STX6: variants seen among roughly 807,000 people sequenced by gnomAD.
STX6 encodes the protein syntaxin 6.
A neutral mutation model predicts 38.0 loss-of-function variants in STX6; 23 were observed. The observed-to-expected ratio is 0.60, with a 90% confidence interval of 0.43 to 0.86. The LOEUF (loss-of-function observed/expected upper bound fraction) is 0.86, where lower values mean the gene tolerates loss of function less well. STX6 is among the 40% of genes least tolerant of loss of function. STX6 has a pLI of 0.00. For missense variants in STX6, 274 were observed against 312.9 expected (o/e 0.88, Z 0.94); for synonymous variants, 123 against 107.5 (o/e 1.14, Z -0.89).
intron 3 of STX6, among the ~76,000 whole-genome samples, chr1:181,002,200 T>A (rs1216283464): frequency 6.6e-6 from 1 of 151,710 alleles, no homozygotes; most frequent in Non-Finnish European, 1.5e-5. Flanking sequence ...TTTTTTTTTT[T>A]AAGGTACAGT....
At chr1:180,987,186 G>A (rs934134478) in intron 6 of STX6, among the ~76,000 whole-genome samples, 2 of 152,078 alleles carry the variant, frequency 1.3e-5, no homozygotes, top group Admixed American at 1.3e-4. Context: ...CTTCACAGGT[G>A]CATTTTCTTC....
chr1:180,996,129 A>C (rs916068451), intron 3 of STX6, among the ~76,000 whole-genome samples: 1 of 152,326 alleles, frequency 6.6e-6, no homozygotes, highest in African/African-American at 2.4e-5. Flanking sequence ...TGAGTCTCAA[A>C]ATATTCACTG....
rs760121992 is a variant in STX6 at position 180,976,655 on chromosome 1, C to G, written c.692-9G>C. ...ACACCATTGGCGCCGATCTGGAAGG[C>G]AGGACATGGGGATTAGCTCTCACAG... is the stretch of plus-strand genomic sequence containing the variant. On this transcript the variant is annotated splice_polypyrimidine_tract_variant and intron_variant, in intron 7 of 7. Coordinates refer to ENST00000258301, the MANE Select transcript of STX6 (RefSeq NM_005819.6). 3 of 1,612,854 alleles carry G rather than the reference C, an allele frequency of 1.9e-6. No homozygotes were observed. The highest frequency in any genetic ancestry group is 1.6e-4 in the Middle Eastern group (1 of 6,062).
At chr1:181,003,476 C>T (rs1249604990) in intron 2 of STX6, among the ~76,000 whole-genome samples, 3 of 152,070 alleles carry the variant, frequency 2.0e-5, no homozygotes, top group Non-Finnish European at 4.4e-5. Context: ...TCCCTCCTTT[C>T]TCAAGGGAAG....
At chr1:180,998,029 T>C (rs1655963030) in intron 3 of STX6, among the ~76,000 whole-genome samples, 2 of 152,202 alleles carry the variant, frequency 1.3e-5, no homozygotes, top group African/African-American at 4.8e-5. Flanking sequence ...TGCATAACAG[T>C]ATGATCACAA....
chr1:180,996,200 C>CA (rs890282480), intron 3 of STX6, among the ~76,000 whole-genome samples: 2 of 150,890 alleles, frequency 1.3e-5, no homozygotes, highest in Non-Finnish European at 3.0e-5. Flanking sequence ...AAAATAGATA[C>CA]AAAAAAAGAC....
rs777418150 is a variant in STX6 at position 181,005,386 on chromosome 1, G to A, written c.113C>T (p.Ala38Val). 2 of 1,614,066 alleles carry A rather than the reference G, an allele frequency of 1.2e-6. No individual in the cohort carries two copies. The highest frequency in any genetic ancestry group is 1.7e-6 in the Non-Finnish European group (2 of 1,179,986). Residue 38 changes from alanine to valine, a missense_variant, in exon 2 of 8, where the codon GCA becomes GTA. By Grantham distance (64) the Ala-to-Val change is moderately conservative. Coordinates refer to ENST00000258301, the MANE Select transcript of STX6 (RefSeq NM_005819.6). ...WTELLQDPST[A>V]TREEIDWTTN... is the part of the protein sequence containing the mutation. ...GGTCCAGTCGATTTCTTCCCTTGTT[G>A]CTGTGGAGGGGTCCTGGAGGAGCTC...
Position 181,004,764 on chromosome 1 carries a change from C to A in STX6, c.205+530G>T, listed in dbSNP as rs553832696. Among the ~76,000 whole-genome samples, 31 of 152,046 alleles carry A rather than the reference C, an allele frequency of 2.0e-4. No homozygotes were observed. In the South Asian group the frequency reaches 6.4e-3, roughly 32 times the overall value. The stretch of plus-strand genomic sequence containing the variant: ...AATTAATTCGATCTATGGAGGGGGT[C>A]GTGGGAACTCCAATTTATACGTGGT... On this transcript the variant is annotated intron_variant, in intron 2 of 7. Coordinates refer to ENST00000258301, the MANE Select transcript of STX6 (RefSeq NM_005819.6).
chr1:180,986,510 C>T (rs1483154901), intron 6 of STX6, among the ~76,000 whole-genome samples: 2 of 152,200 alleles, frequency 1.3e-5, no homozygotes, highest in African/African-American at 4.8e-5. Context: ...TGGCACAGGT[C>T]TAAGTCCAAA....
chr1:181,021,381 G>A (rs982909422), intron 1 of STX6, among the ~76,000 whole-genome samples: 1 of 152,076 alleles, frequency 6.6e-6, no homozygotes, highest in Non-Finnish European at 1.5e-5. Flanking sequence ...CTAAATTAGA[G>A]TAAGGTGAAG....
intron 3 of STX6, among the ~76,000 whole-genome samples, chr1:181,000,659 T>C (rs1361565186): frequency 1.3e-5 from 2 of 152,162 alleles, no homozygotes; most frequent in Non-Finnish European, 2.9e-5. Flanking sequence ...TTAAAAAGCT[T>C]TTCAGATATT....
chr1:180,979,419 G>A (rs965562368), intron 7 of STX6, among the ~76,000 whole-genome samples: 2 of 152,238 alleles, frequency 1.3e-5, no homozygotes, highest in Non-Finnish European at 2.9e-5. Context: ...CTTTCACAAA[G>A]GAGCAAGTGC....
chr1:181,002,506 T>C (rs996821852), intron 3 of STX6, 100 bp downstream of exon 3: 1 of 742,468 alleles, frequency 1.3e-6, no homozygotes, highest in Non-Finnish European at 2.2e-6. Context: ...ATTTAAAAAG[T>C]GGTTTCAGAG....
intron 1 of STX6, 31 bp downstream of exon 1, chr1:181,022,608 T>G: frequency 6.2e-7 from 1 of 1,602,320 alleles, no homozygotes; most frequent in South Asian, 1.1e-5. Context: ...CGCCACCTCT[T>G]CCTCCGGTGG....
chr1:180,977,679 G>T (rs866720888), intron 7 of STX6, among the ~76,000 whole-genome samples: 1 of 152,148 alleles, frequency 6.6e-6, no homozygotes, highest in African/African-American at 2.4e-5. Context: ...CATTTAAATA[G>T]AAATATAAAG....
In STX6 at chr1:181,005,276, C is replaced by T. The variant is rs1047750859; in HGVS notation, c.205+18G>A. Reference sequence around the variant, plus strand: ...GTCTATTTATCCCGAATGGCACAGACACCACAGAAAAGGATATTGATGGTT... The same window carrying T: ...GTCTATTTATCCCGAATGGCACAGATACCACAGAAAAGGATATTGATGGTT... On this transcript the variant is annotated intron_variant, in intron 2 of 7. Transcript: ENST00000258301. 6.2e-7 allele frequency: 1 copy of T among 1,606,770 alleles called. No homozygotes were observed. Among genetic ancestry groups the T allele is most frequent in the African/African-American group, 1.3e-5 (1 of 74,888 alleles).
At position 181,009,221 on chromosome 1, in the gene STX6, T is replaced by A. The variant is rs952427012; in HGVS notation, c.36-3758A>T. Among the ~76,000 whole-genome samples, 6 of 152,128 alleles carry A rather than the reference T, an allele frequency of 3.9e-5. No homozygotes were observed. The East Asian group carries it at 9.6e-4, about 24-fold the overall frequency. On this transcript the variant is annotated intron_variant, in intron 1 of 7. Transcript: ENST00000258301. ...GTGGCTCATGCCTGTAATCACAGCA[T>A]GTTGGGAGGCCAAGGCAGGTGGATC...
At chr1:181,014,887 T>A (rs535334712) in intron 1 of STX6, among the ~76,000 whole-genome samples, 3 of 152,236 alleles carry the variant, frequency 2.0e-5, no homozygotes, top group Non-Finnish European at 4.4e-5. Context: ...TTTACTCAGT[T>A]ACCTACAATT....
At chr1:180,990,672 C>T (rs535079061) in intron 4 of STX6, among the ~76,000 whole-genome samples, 1 of 152,248 alleles carries the variant, frequency 6.6e-6, no homozygotes, top group Non-Finnish European at 1.5e-5. Flanking sequence ...ATCCAGGGTC[C>T]TTCAGGCTTT....
Sources: allele counts gnomAD v4.1 joint callset (sites outside exome capture counted in the v4.1 genomes callset), GRCh38; gene constraint gnomAD v4.1.1; transcripts MANE v1.5; gene names NCBI Gene and HGNC (gene_info 2026-07-23, HGNC 2026-07-21).